RBMS3: variants seen among roughly 807,000 people sequenced by gnomAD.
RBMS3 encodes the protein RNA binding motif single stranded interacting protein 3.
In RBMS3, 27 loss-of-function variants were observed where a neutral mutation model predicts 66.8. The observed-to-expected ratio is 0.40, with a 90% confidence interval of 0.30 to 0.56. The LOEUF is 0.56. Ranked by LOEUF, RBMS3 falls within the 20% of genes least tolerant of loss-of-function variation. The pLI is 0.40. For synonymous variants in RBMS3, 188 were observed against 183.0 expected, an observed-to-expected ratio of 1.03 and a Z score of -0.22; for missense variants, 513 against 549.5, an observed-to-expected ratio of 0.93 and a Z score of 0.66.
chr3:29,694,953 A>G (rs1460724375), intron 4 of RBMS3, among the ~76,000 whole-genome samples: 2 of 152,124 alleles, frequency 1.3e-5, no homozygotes, highest in Non-Finnish European at 1.5e-5. Flanking sequence ...GTGGTTATTC[A>G]TAACTTAGCT....
chr3:29,945,343 T>C (rs1161707581), intron 12 of RBMS3, among the ~76,000 whole-genome samples: 2 of 151,702 alleles, frequency 1.3e-5, no homozygotes, highest in African/African-American at 2.4e-5. Context: ...TAGCCTTGTT[T>C]AGTTATGTTC....
chr3:29,620,189 A>G (rs910359340), intron 4 of RBMS3, among the ~76,000 whole-genome samples: 5 of 152,120 alleles, frequency 3.3e-5, no homozygotes, highest in African/African-American at 9.7e-5. Context: ...GCTAGCATGA[A>G]CTTTTATATT....
intron 6 of RBMS3, among the ~76,000 whole-genome samples, chr3:29,866,779 ACTAT>A (rs1053259309): frequency 2.6e-5 from 4 of 152,222 alleles, no homozygotes; most frequent in Non-Finnish European, 5.9e-5. Context: ...AAAGGCAGTG[ACTAT>A]CTACAGATAT....
At chr3:29,398,658 G>A (rs1037910571) in intron 1 of RBMS3, among the ~76,000 whole-genome samples, 6 of 152,122 alleles carry the variant, frequency 3.9e-5, no homozygotes, top group African/African-American at 1.2e-4. Context: ...TTGGTGACCA[G>A]GATGTCTAGA....
At chr3:29,668,363 T>C (rs1375510365) in intron 4 of RBMS3, among the ~76,000 whole-genome samples, 3 of 152,180 alleles carry the variant, frequency 2.0e-5, no homozygotes, top group Non-Finnish European at 4.4e-5. Flanking sequence ...CCAATACCAC[T>C]TTGAGAGCTG....
rs1488321097 is a variant in RBMS3 at position 29,382,495 on chromosome 3, A to C, written c.76-52248A>C. Among the ~76,000 whole-genome samples the C allele has an allele frequency of 3.3e-5, 5 of 152,218 alleles. No homozygotes were observed. The East Asian group carries it at 9.6e-4, about 29-fold the overall frequency. On this transcript the variant is annotated intron_variant, in intron 1 of 14. Transcript: ENST00000383767. The stretch of plus-strand genomic sequence containing the variant: ...TTTAGTATTTAAATTGCCTCACTTA[A>C]GAAATGTGCCCATTATGTGTGGGGG...
chr3:29,987,787 AAG>A (rs576235345), intron 12 of RBMS3, among the ~76,000 whole-genome samples: 51 of 152,294 alleles, frequency 3.3e-4, no homozygotes, highest in African/African-American at 1.1e-3. Flanking sequence ...CTAGCAATAA[AAG>A]AGAGTAAAAA....
intron 2 of RBMS3, among the ~76,000 whole-genome samples, chr3:29,470,146 A>T (rs1418978962): frequency 6.6e-6 from 1 of 151,522 alleles, no homozygotes; most frequent in Non-Finnish European, 1.5e-5. Flanking sequence ...TAAATAAACT[A>T]AAATTTAAAG....
chr3:29,466,402 A>G (rs1426387993), intron 2 of RBMS3, among the ~76,000 whole-genome samples: 1 of 152,162 alleles, frequency 6.6e-6, no homozygotes, highest in African/African-American at 2.4e-5. Context: ...ATCATTTTGA[A>G]TTCATGGACC....
At chr3:29,471,374 G>T (rs151316730) in intron 2 of RBMS3, among the ~76,000 whole-genome samples, 72 of 152,248 alleles carry the variant, frequency 4.7e-4, no homozygotes, top group African/African-American at 1.7e-3. Context: ...AAGGAAAGTA[G>T]AAGCAATTAT....
intron 4 of RBMS3, among the ~76,000 whole-genome samples, chr3:29,597,399 A>T (rs925595534): frequency 6.6e-6 from 1 of 152,178 alleles, no homozygotes; most frequent in African/African-American, 2.4e-5. Context: ...GATGTGTATC[A>T]CTTGGACACT....
intron 3 of RBMS3, among the ~76,000 whole-genome samples, chr3:29,546,938 A>T (rs1478691198): frequency 6.6e-6 from 1 of 152,208 alleles, no homozygotes; most frequent in East Asian, 1.9e-4. Flanking sequence ...TTATTTAGAC[A>T]TTTAGACCTC....
In RBMS3 at chr3:29,787,962, G is replaced by A. The variant is rs188002258; in HGVS notation, c.637+24973G>A. On this transcript the variant is annotated intron_variant, in intron 6 of 14. Transcript: ENST00000383767. ...TTGATTTATTTTATATTTTGAGTTGGTAATATGTGCAGTTATTTAAAAATT... is the reference window on the plus strand; with the variant it reads ...TTGATTTATTTTATATTTTGAGTTGATAATATGTGCAGTTATTTAAAAATT... 2.2e-4 allele frequency among the ~76,000 whole-genome samples: 33 copies of A among 152,124 alleles called. 1 individual carries two copies. The highest frequency in any genetic ancestry group is 2.0e-3 in the Admixed American group (31 of 15,286).
chr3:29,679,480 C>A (rs2051394392), intron 4 of RBMS3, among the ~76,000 whole-genome samples: 1 of 151,948 alleles, frequency 6.6e-6, no homozygotes, highest in African/African-American at 2.4e-5. Context: ...GATGTAATTG[C>A]CAAAATTTAA....
At chr3:29,995,259 C>A (rs1699142627) in intron 14 of RBMS3, among the ~76,000 whole-genome samples, 1 of 152,032 alleles carries the variant, frequency 6.6e-6, no homozygotes, top group African/African-American at 2.4e-5. Context: ...AAATATGGGA[C>A]TATGTGAAAA....
intron 4 of RBMS3, 39 bp downstream of exon 4, chr3:29,587,244 TTTTTTG>T (rs2047559736): frequency 1.4e-4 from 117 of 840,666 alleles, no homozygotes; most frequent in South Asian, 8.2e-4. Context: ...TTTTTTTTTT[TTTTTTG>T]TGTGTGTGTG....
chr3:29,573,172 G>A (rs1260497394), intron 3 of RBMS3, among the ~76,000 whole-genome samples: 1 of 152,110 alleles, frequency 6.6e-6, no homozygotes, highest in Non-Finnish European at 1.5e-5. Context: ...CCAGGCTGGA[G>A]TGCAGTGGCA....
At chr3:29,384,673 G>C (rs536292681) in intron 1 of RBMS3, among the ~76,000 whole-genome samples, 1 of 152,262 alleles carries the variant, frequency 6.6e-6, no homozygotes, top group South Asian at 2.1e-4. Context: ...GTGACTCAAG[G>C]ATGTCTGGAG....
Position 29,991,103 on chromosome 3 carries a change from C to T in RBMS3, c.1201C>T (p.Pro401Ser), listed in dbSNP as rs1224356711. The change falls in exon 14 of 15, where the codon CCC (proline) becomes TCC (serine). Residue 401 changes from proline (P) to serine (S), a missense_variant. Physicochemically the swap from Pro to Ser is moderately conservative, Grantham distance 74. Coordinates refer to ENST00000383767, the MANE Select transcript of RBMS3 (RefSeq NM_001003793.3). ...TTAGGGTGTTGTTGCTGATACCTCT[C>T]CCCAGACAGTGGCACCTTCATCCCA... ...SIEGVVADTS[P>S]QTVAPSSQDT... 2 of 1,614,096 alleles carry T rather than the reference C, an allele frequency of 1.2e-6. No homozygotes were observed. The highest frequency in any genetic ancestry group is 1.1e-5 in the South Asian group (1 of 91,078).
Sources: gnomAD v4.1 joint callset for allele counts (sites outside exome capture counted in the v4.1 genomes callset) on GRCh38, gnomAD v4.1.1 for gene constraint, MANE v1.5 for transcripts, NCBI Gene and HGNC (gene_info 2026-07-23, HGNC 2026-07-21) for gene names.